The following CNTNAP2 variants were observed in gnomAD, a reference collection of about 807,000 sequenced individuals.
The protein encoded by CNTNAP2 is contactin-associated protein-like 2.
A neutral mutation model predicts 155.2 loss-of-function variants in CNTNAP2; 98 were observed. That is an observed-to-expected ratio of 0.63 (90% CI 0.54 to 0.75). The LOEUF is 0.75. CNTNAP2 is among the 30% of genes least tolerant of loss of function. The probability of loss-of-function intolerance (pLI) is 0.00; values close to 1 mark genes in which losing one functional copy is unlikely to be tolerated. For missense variants in CNTNAP2, 1,727 were observed against 1,688.1 expected (o/e 1.02, Z -0.40); for synonymous variants, 651 against 631.2 (o/e 1.03, Z -0.47).
chr7:146,445,233 A>G (rs1051598662), intron 1 of CNTNAP2, among the ~76,000 whole-genome samples: 1 of 152,132 alleles, frequency 6.6e-6, no homozygotes, highest in Non-Finnish European at 1.5e-5. Context: ...TTATGATTTT[A>G]TTTTTTATGC....
At chr7:147,137,195 A>G (rs1801500181) in intron 8 of CNTNAP2, among the ~76,000 whole-genome samples, 1 of 151,376 alleles carries the variant, frequency 6.6e-6, no homozygotes, top group Non-Finnish European at 1.5e-5. Flanking sequence ...GTGTATTTTT[A>G]TGTGGAATAC....
chr7:146,195,524 C>A (rs1333073139), intron 1 of CNTNAP2, among the ~76,000 whole-genome samples: 1 of 152,202 alleles, frequency 6.6e-6, no homozygotes, highest in African/African-American at 2.4e-5. Context: ...CTCTTTCTTA[C>A]TGCCAATGAT....
At chr7:147,545,002 A>C (rs1315726519) in intron 11 of CNTNAP2, among the ~76,000 whole-genome samples, 2 of 152,252 alleles carry the variant, frequency 1.3e-5, no homozygotes, top group South Asian at 4.1e-4. Context: ...CAGCATGAGA[A>C]TGAACTGATA....
chr7:146,987,718 A>G (rs1394949172), intron 3 of CNTNAP2, among the ~76,000 whole-genome samples: 1 of 152,150 alleles, frequency 6.6e-6, no homozygotes, highest in Non-Finnish European at 1.5e-5. Context: ...CTAAATAACT[A>G]ACTGAAAAAT....
At chr7:147,674,705 G>A (rs1224345791) in intron 13 of CNTNAP2, among the ~76,000 whole-genome samples, 1 of 152,072 alleles carries the variant, frequency 6.6e-6, no homozygotes, top group Non-Finnish European at 1.5e-5. Context: ...CTGGTAATTG[G>A]AGCTTGTCCA....
chr7:147,011,173 G>A (rs1798615606), intron 3 of CNTNAP2, among the ~76,000 whole-genome samples: 1 of 151,886 alleles, frequency 6.6e-6, no homozygotes, highest in African/African-American at 2.4e-5. Flanking sequence ...CTGCCCTTTG[G>A]GAGGCTGAGG....
At chr7:147,937,595 C>T (rs754441811) in intron 14 of CNTNAP2, among the ~76,000 whole-genome samples, 6 of 152,072 alleles carry the variant, frequency 3.9e-5, no homozygotes, top group Admixed American at 6.6e-5. Flanking sequence ...TCTCTCCATG[C>T]GGCATGGGCA....
At chr7:146,710,662 C>T (rs921797517) in intron 1 of CNTNAP2, among the ~76,000 whole-genome samples, 11 of 152,064 alleles carry the variant, frequency 7.2e-5, no homozygotes, top group African/African-American at 2.7e-4. Flanking sequence ...TTTTTTTCCT[C>T]TGTTCTCCTC....
intron 19 of CNTNAP2, among the ~76,000 whole-genome samples, chr7:148,220,304 G>A (rs1473841768): frequency 6.6e-6 from 1 of 152,070 alleles, no homozygotes; most frequent in African/African-American, 2.4e-5. Context: ...GGGTTTCACC[G>A]TGTTAGCCAG....
In CNTNAP2 at chr7:147,395,773, A is replaced by G; in HGVS notation, c.1663A>G (p.Ile555Val). 6.2e-7 allele frequency: 1 copy of G among 1,612,032 alleles called. No individual in the cohort carries two copies. Among genetic ancestry groups the G allele is most frequent in the Non-Finnish European group, 8.5e-7 (1 of 1,178,476 alleles). ...TGTCAGCATTGACATGTGTGCGATC[A>G]TAGACAGGTAAATGATCTTTTCATC... is the stretch of plus-strand genomic sequence containing the variant. ...ANVSIDMCAI[I>V]DRCVPNHCEH... Residue 555 changes from isoleucine (I) to valine (V), a missense_variant, in exon 10 of 24, where the codon ATA becomes GTA. Transcript: ENST00000361727.
At position 147,763,426 on chromosome 7, in the gene CNTNAP2, T is replaced by TC. The variant is rs369486675; in HGVS notation, c.2098+124120_2098+124121insC. ...GATACTTTACAAATTTTTCTTTTTT[T>TC]TTTTTTGGAGACGGAAGTGGCAGTA... is the stretch of plus-strand genomic sequence containing the variant. On this transcript the variant is annotated intron_variant, in intron 13 of 23. Transcript: ENST00000361727. 3.3e-3 allele frequency among the ~76,000 whole-genome samples: 506 copies of TC among 151,746 alleles called. 6 individuals carry two copies. Among genetic ancestry groups the TC allele is most frequent in the African/African-American group, 0.012 (478 of 41,312 alleles).
rs1056639293 is a variant in CNTNAP2, at chr7:147,300,460, T to C, written c.1498+170T>C. ...CAAAAAAAGAAAAGGAAAAATTTTA[T>C]TTCTTTCTGATGAAGATATTAAGAT... On this transcript the variant is annotated intron_variant, in intron 9 of 23. Transcript: ENST00000361727. Among the ~76,000 whole-genome samples, 43 of 152,222 alleles carry C rather than the reference T, an allele frequency of 2.8e-4. 1 individual carries two copies. Among genetic ancestry groups the C allele is most frequent in the Non-Finnish European group, 1.5e-5 (1 of 68,046 alleles).
chr7:148,301,652 G>A (rs1231996967), intron 21 of CNTNAP2, among the ~76,000 whole-genome samples: 1 of 152,198 alleles, frequency 6.6e-6, no homozygotes, highest in Non-Finnish European at 1.5e-5. Context: ...GAAATCTGGA[G>A]GACAGCTTTG....
intron 1 of CNTNAP2, among the ~76,000 whole-genome samples, chr7:146,676,261 G>A (rs1415135447): frequency 6.6e-6 from 1 of 152,050 alleles, no homozygotes; most frequent in African/African-American, 2.4e-5. Flanking sequence ...GGCAAATATA[G>A]TAGAAACTAT....
At chr7:147,788,900 CTTTTTTTT>C (rs11440955) in intron 13 of CNTNAP2, among the ~76,000 whole-genome samples, 9 of 100,746 alleles carry the variant, frequency 8.9e-5, no homozygotes, top group Non-Finnish European at 1.3e-4. Flanking sequence ...TTTTCTTTTT[CTTTTTTTT>C]TTTTTTTTTT....
intron 13 of CNTNAP2, among the ~76,000 whole-genome samples, chr7:147,794,100 A>G (rs902692645): frequency 1.3e-5 from 2 of 151,976 alleles, no homozygotes; most frequent in African/African-American, 4.8e-5. Flanking sequence ...TTATCTTTAG[A>G]TAAATAATTT....
intron 1 of CNTNAP2, among the ~76,000 whole-genome samples, chr7:146,627,007 A>T (rs898634654): frequency 6.6e-6 from 1 of 152,138 alleles, no homozygotes; most frequent in Admixed American, 6.6e-5. Context: ...CATACCCAAG[A>T]CTGGGAAGAA....
At chr7:147,929,317 T>C (rs749846756) in intron 14 of CNTNAP2, among the ~76,000 whole-genome samples, 129 of 152,014 alleles carry the variant, frequency 8.5e-4, no homozygotes, top group Non-Finnish European at 1.5e-3. Context: ...TTGGACACTA[T>C]AGGGACAGCA....
intron 1 of CNTNAP2, among the ~76,000 whole-genome samples, chr7:146,654,788 T>A (rs1178735576): frequency 2.6e-5 from 4 of 152,152 alleles, no homozygotes; most frequent in Non-Finnish European, 4.4e-5. Context: ...TTTGAAGCAG[T>A]TTCAATTACA....
Sources: gnomAD v4.1 joint callset for allele counts (sites outside exome capture counted in the v4.1 genomes callset) on GRCh38, gnomAD v4.1.1 for gene constraint, MANE v1.5 for transcripts, NCBI Gene and HGNC (gene_info 2026-07-23, HGNC 2026-07-21) for gene names.